Variants in CMIP observed in about 807,000 individuals in gnomAD.
The protein encoded by CMIP is c-Maf inducing protein.
In CMIP, 13 loss-of-function variants were observed where a neutral mutation model predicts 97.3. The observed-to-expected ratio is 0.13, with a 90% CI of 0.09 to 0.21. The LOEUF (loss-of-function observed/expected upper bound fraction) is 0.21, where lower values mean the gene tolerates loss of function less well. CMIP is among the 10% of genes least tolerant of loss of function. The pLI is 1.00. For synonymous variants in CMIP, 538 were observed against 436.3 expected (o/e 1.23, Z -2.91); for missense variants, 847 against 1,024.9 (o/e 0.83, Z 2.37).
intron 1 of CMIP, among the ~76,000 whole-genome samples, chr16:81,543,572 G>A (rs1488227738): frequency 6.6e-6 from 1 of 152,168 alleles, no homozygotes; most frequent in Non-Finnish European, 1.5e-5. Context: ...CTTGGAGCCA[G>A]ACAGCCTGTG....
intron 2 of CMIP, among the ~76,000 whole-genome samples, chr16:81,611,734 G>T (rs74248279): frequency 0.11 from 17,116 of 151,896 alleles, 1,018 homozygotes; most frequent in East Asian, 0.2. Context: ...CTCCTCCTCC[G>T]CTCTCTCTGT....
At position 81,445,426 on chromosome 16, in the gene CMIP, T is replaced by A; in HGVS notation, c.185T>A (p.Val62Asp). The change falls in exon 1 of 21, where the codon GTC (valine) becomes GAC (aspartate). Residue 62 changes from valine (V) to aspartate (D), a missense_variant. Transcript: ENST00000537098. ...CTGCTGCAGGAGGGCGACATTCAGG[T>A]CTGTGTCATCCGGCACCCGCGGACC... ...YKLLQEGDIQ[V>D]CVIRHPRTFL... 1 of 1,596,742 alleles carries A rather than the reference T, an allele frequency of 6.3e-7. No homozygotes were observed. Among genetic ancestry groups the A allele is most frequent in the Non-Finnish European group, 8.5e-7 (1 of 1,171,942 alleles).
At chr16:81,510,315 G>T (rs562513223) in intron 1 of CMIP, among the ~76,000 whole-genome samples, 2 of 152,262 alleles carry the variant, frequency 1.3e-5, no homozygotes, top group Admixed American at 1.3e-4. Flanking sequence ...GACCATGATG[G>T]CCGCCCTCAT....
chr16:81,631,317 C>G (rs1289575435), intron 3 of CMIP: 1 of 152,258 alleles, frequency 6.6e-6, no homozygotes, highest in African/African-American at 2.4e-5. Flanking sequence ...TGAATTGAAC[C>G]CAGGGGACAG....
At chr16:81,699,598 A>G in intron 14 of CMIP, 87 bp from the exon 15 acceptor site, 1 of 823,672 alleles carries the variant, frequency 1.2e-6, no homozygotes, top group Non-Finnish European at 2.0e-6. Context: ...GGTCTGTTCA[A>G]CGGCTCTTGG....
chr16:81,696,765 C>T lies in CMIP; in HGVS notation c.1638+98C>T, dbSNP rs1022840173. 19 of 1,114,072 alleles carry T rather than the reference C, an allele frequency of 1.7e-5. No homozygotes were observed. The African/African-American group carries it at 2.6e-4, about 15-fold the overall frequency. The allele number at this position is 1,114,072 out of a possible 1,614,324, so 69.0% of individuals were successfully genotyped here. Reference sequence around the variant, plus strand: ...CGTCCCCCATCCCCTGGGGCCAGCCCCGGAGTTTCCCGGCTAACACAGTGC... The same window carrying T: ...CGTCCCCCATCCCCTGGGGCCAGCCTCGGAGTTTCCCGGCTAACACAGTGC... On this transcript the variant is annotated intron_variant, in intron 14 of 20. Coordinates refer to ENST00000537098, the MANE Select transcript of CMIP (RefSeq NM_198390.3).
intron 7 of CMIP, chr16:81,666,310 A>T (rs573101114): frequency 6.6e-6 from 1 of 152,324 alleles, no homozygotes; most frequent in African/African-American, 2.4e-5. Flanking sequence ...CCCCCGGGAC[A>T]TACTTGGCAG....
intron 1 of CMIP, among the ~76,000 whole-genome samples, chr16:81,523,212 G>A (rs1029237413): frequency 6.6e-6 from 1 of 152,162 alleles, no homozygotes; most frequent in African/African-American, 2.4e-5. Context: ...GAGCTACCGC[G>A]CTTTGCTTTG....
Position 81,663,861 on chromosome 16 carries a change from G to A in CMIP, c.745-408G>A, listed in dbSNP as rs1271753605. On this transcript the variant is annotated intron_variant, in intron 6 of 20. Transcript: ENST00000537098. ...TGTGTGTGCATCAGGGGACAGGAAA[G>A]GGAAACAAGATTGTGTTGTCCTCTT... Among the ~76,000 whole-genome samples the A allele has an allele frequency of 2.0e-5, 3 of 152,226 alleles. No individual in the cohort carries two copies. In the South Asian group the frequency reaches 6.2e-4, roughly 32 times the overall value.
intron 1 of CMIP, among the ~76,000 whole-genome samples, chr16:81,473,795 C>G (rs1907708665): frequency 6.8e-6 from 1 of 146,358 alleles, no homozygotes; most frequent in South Asian, 2.2e-4. Context: ...ACGTGTTTTA[C>G]TTGGCCCACA....
chr16:81,602,110 A>G (rs1302027265), intron 1 of CMIP, among the ~76,000 whole-genome samples: 1 of 152,192 alleles, frequency 6.6e-6, no homozygotes, highest in African/African-American at 2.4e-5. Flanking sequence ...GCAGCATAAA[A>G]TGAAACAGTG....
intron 1 of CMIP, among the ~76,000 whole-genome samples, chr16:81,488,692 C>T (rs1247056172): frequency 6.6e-6 from 1 of 152,184 alleles, no homozygotes; most frequent in Non-Finnish European, 1.5e-5. Flanking sequence ...ACCAGGGAGG[C>T]TCCTGTGACT....
chr16:81,602,261 C>T (rs1427775419), intron 1 of CMIP, among the ~76,000 whole-genome samples: 3 of 151,998 alleles, frequency 2.0e-5, no homozygotes, highest in Non-Finnish European at 2.9e-5. Flanking sequence ...AAAAAAAAGG[C>T]GTTACAAAAT....
intron 1 of CMIP, among the ~76,000 whole-genome samples, chr16:81,486,732 G>T (rs551529270): frequency 6.6e-6 from 1 of 152,372 alleles, no homozygotes; most frequent in African/African-American, 2.4e-5. Flanking sequence ...AGCGAATCCA[G>T]CTGTGCCTGG....
intron 1 of CMIP, among the ~76,000 whole-genome samples, chr16:81,492,576 G>A (rs1021314272): frequency 2.1e-5 from 2 of 94,398 alleles, no homozygotes; most frequent in African/African-American, 6.6e-5. Flanking sequence ...GGCCTTGCTA[G>A]CAGGGCCGGG....
At chr16:81,628,618 A>G (rs1359942337) in intron 3 of CMIP, among the ~76,000 whole-genome samples, 2 of 152,086 alleles carry the variant, frequency 1.3e-5, no homozygotes, top group African/African-American at 4.8e-5. Context: ...TGAGTCCAGA[A>G]CCTGGGACTT....
intron 1 of CMIP, among the ~76,000 whole-genome samples, chr16:81,517,471 T>A (rs1051646528): frequency 5.7e-4 from 87 of 152,236 alleles, no homozygotes; most frequent in Non-Finnish European, 9.8e-4. Flanking sequence ...AGGTATTTTT[T>A]AATATGTATA....
chr16:81,643,617 C>T (rs1320045544), intron 3 of CMIP, among the ~76,000 whole-genome samples: 4 of 152,044 alleles, frequency 2.6e-5, no homozygotes, highest in Non-Finnish European at 5.9e-5. Context: ...TGGTGTGAAA[C>T]CCCATCTCTA....
intron 14 of CMIP, among the ~76,000 whole-genome samples, chr16:81,698,991 C>G (rs902303812): frequency 3.3e-5 from 5 of 152,214 alleles, no homozygotes; most frequent in African/African-American, 1.2e-4. Context: ...GTGGCTCACG[C>G]CTGTAATCCC....
Sources: gnomAD v4.1 joint callset for allele counts (sites outside exome capture counted in the v4.1 genomes callset) on GRCh38, gnomAD v4.1.1 for gene constraint, MANE v1.5 for transcripts, NCBI Gene and HGNC (gene_info 2026-07-23, HGNC 2026-07-21) for gene names.